Variants in STARD13 observed in about 807,000 individuals in gnomAD.
The protein encoded by STARD13 is StAR related lipid transfer domain containing 13.
STARD13 carries 62 observed loss-of-function variants against 106.4 expected under a neutral mutation model. That is an observed-to-expected ratio of 0.58 (90% CI 0.48 to 0.72). STARD13 has a LOEUF of 0.72. STARD13 is among the 30% of genes least tolerant of loss of function. STARD13 has a pLI of 0.00. For synonymous variants in STARD13, 565 were observed against 553.0 expected (o/e 1.02, Z -0.31); for missense variants, 1,387 against 1,424.0 (o/e 0.97, Z 0.42).
chr13:33,340,494 G>T (rs542681484), intron 1 of STARD13, among the ~76,000 whole-genome samples: 3 of 152,316 alleles, frequency 2.0e-5, no homozygotes, highest in Admixed American at 6.5e-5. Context: ...AGAATAAGAA[G>T]CATAAGACCT....
chr13:33,210,893 C>T (rs1887679025), intron 1 of STARD13, among the ~76,000 whole-genome samples: 1 of 152,076 alleles, frequency 6.6e-6, no homozygotes, highest in Admixed American at 6.5e-5. Flanking sequence ...CATTTCAAGC[C>T]CTGTTGTTAC....
At chr13:33,262,678 C>T (rs538612070) in intron 1 of STARD13, among the ~76,000 whole-genome samples, 36 of 136,248 alleles carry the variant, frequency 2.6e-4, no homozygotes, top group Middle Eastern at 3.5e-3. Flanking sequence ...CACACACACA[C>T]ACACACACAC....
At chr13:33,464,774 G>A in the STARD13 span, among the ~76,000 whole-genome samples, 4 of 152,202 alleles carry the variant, frequency 2.6e-5, no homozygotes, top group South Asian at 2.1e-4. Flanking sequence ...ACTTGAACTC[G>A]GAAGGCGGAG....
At chr13:33,207,050 C>A in intron 1 of STARD13, among the ~76,000 whole-genome samples, 1 of 152,094 alleles carries the variant, frequency 6.6e-6, no homozygotes, top group African/African-American at 2.4e-5. Context: ...TTATTTTCAA[C>A]AACAGAGAGA....
intron 1 of STARD13, among the ~76,000 whole-genome samples, chr13:33,327,630 G>A (rs908448742): frequency 3.9e-5 from 6 of 152,274 alleles, no homozygotes; most frequent in Non-Finnish European, 5.9e-5. Flanking sequence ...TTCAGCCTCC[G>A]ATAGCACTGG....
chr13:33,614,680 C>T, the STARD13 span, among the ~76,000 whole-genome samples: 1 of 152,172 alleles, frequency 6.6e-6, no homozygotes, highest in Admixed American at 6.5e-5. Context: ...GACAATCTGA[C>T]AAGGTGGTGT....
Position 33,129,356 on chromosome 13 carries a change from C to A in STARD13, c.1321G>T (p.Ala441Ser). Residue 441 changes from alanine (A) to serine (S), a missense_variant, in exon 5 of 14, where the codon GCC becomes TCC. Ala to Ser is a moderately conservative substitution (Grantham distance 99). Coordinates refer to ENST00000336934, the MANE Select transcript of STARD13 (RefSeq NM_178006.4). Reference sequence around the variant, plus strand: ...GACGCCATGAGCCGGGGCTCCCTGGCACCAGGGACCTGCTCTCTGCCCAGG... The same window carrying A: ...GACGCCATGAGCCGGGGCTCCCTGGAACCAGGGACCTGCTCTCTGCCCAGG... ...ISLGREQVPG[A>S]REPRLMASCH... 6.2e-7 allele frequency: 1 copy of A among 1,614,176 alleles called. No individual in the cohort carries two copies. The highest frequency in any genetic ancestry group is 8.5e-7 in the Non-Finnish European group (1 of 1,180,014).
chr13:33,546,019 CATTT>C, the STARD13 span, among the ~76,000 whole-genome samples: 1 of 152,182 alleles, frequency 6.6e-6, no homozygotes. Flanking sequence ...TATTTTATGA[CATTT>C]ATTTATTATG....
chr13:33,350,108 C>T (rs2078059567), intron 1 of STARD13, among the ~76,000 whole-genome samples: 1 of 152,080 alleles, frequency 6.6e-6, no homozygotes, highest in South Asian at 2.1e-4. Flanking sequence ...CCGGGAGGCG[C>T]GGCGGGAGGG....
the STARD13 span, among the ~76,000 whole-genome samples, chr13:33,576,065 A>G: frequency 6.6e-6 from 1 of 152,206 alleles, no homozygotes; most frequent in Non-Finnish European, 1.5e-5. Flanking sequence ...CAACTAGCTC[A>G]GAGGGAGCTT....
the STARD13 span, among the ~76,000 whole-genome samples, chr13:33,640,588 AT>A: frequency 6.6e-6 from 1 of 152,166 alleles, no homozygotes; most frequent in Non-Finnish European, 1.5e-5. Flanking sequence ...TGGTTTTGTT[AT>A]TTGTCAAATA....
At chr13:33,108,904 C>T (rs1874135379) in intron 12 of STARD13, among the ~76,000 whole-genome samples, 1 of 152,180 alleles carries the variant, frequency 6.6e-6, no homozygotes, top group Non-Finnish European at 1.5e-5. Flanking sequence ...TTATAAACTG[C>T]CTGCATTCTC....
the STARD13 span, among the ~76,000 whole-genome samples, chr13:33,552,842 A>G: frequency 5.7e-4 from 86 of 152,198 alleles, no homozygotes; most frequent in Non-Finnish European, 1.1e-3. Flanking sequence ...TAAAAATCAT[A>G]ATGAAAGTTT....
At chr13:33,308,351 A>C (rs1892990085) in intron 1 of STARD13, among the ~76,000 whole-genome samples, 1 of 152,164 alleles carries the variant, frequency 6.6e-6, no homozygotes, top group Non-Finnish European at 1.5e-5. Flanking sequence ...AATAGACACA[A>C]GTATAGGGTT....
At chr13:33,597,295 A>AT in the STARD13 span, among the ~76,000 whole-genome samples, 6 of 151,238 alleles carry the variant, frequency 4.0e-5, no homozygotes, top group Admixed American at 1.3e-4. Context: ...GACATTGAAT[A>AT]TTTTTTTCAT....
chr13:33,322,114 AACT>A (rs1893583524), intron 1 of STARD13, among the ~76,000 whole-genome samples: 1 of 152,366 alleles, frequency 6.6e-6, no homozygotes, highest in African/African-American at 2.4e-5. Context: ...GCATATATGT[AACT>A]GCTAACAAGT....
At chr13:33,187,340 T>C (rs867448296) in intron 1 of STARD13, among the ~76,000 whole-genome samples, 1 of 152,228 alleles carries the variant, frequency 6.6e-6, no homozygotes, top group African/African-American at 2.4e-5. Context: ...ATCTGAATTG[T>C]GCATTAGTTA....
At chr13:33,167,362 G>A (rs1028338445) in intron 2 of STARD13, among the ~76,000 whole-genome samples, 189 bp downstream of exon 2, 14 of 152,108 alleles carry the variant, frequency 9.2e-5, no homozygotes, top group African/African-American at 4.8e-5. Flanking sequence ...AAGTGGGCCT[G>A]GGAAGTGATA....
the STARD13 span, among the ~76,000 whole-genome samples, chr13:33,376,931 C>G: frequency 6.6e-6 from 1 of 152,140 alleles, no homozygotes; most frequent in African/African-American, 2.4e-5. Flanking sequence ...GAAGACAGGC[C>G]TGGGGCCACT....
Sources: allele counts gnomAD v4.1 joint callset (sites outside exome capture counted in the v4.1 genomes callset), GRCh38; gene constraint gnomAD v4.1.1; transcripts MANE v1.5; gene names NCBI Gene and HGNC (gene_info 2026-07-23, HGNC 2026-07-21).